The following ABCG1 variants were observed in gnomAD, a reference collection of about 807,000 sequenced individuals.
ABCG1 encodes the protein ATP-binding cassette sub-family G member 1.
A neutral mutation model predicts 69.2 loss-of-function variants in ABCG1; 29 were observed. That is an observed-to-expected ratio of 0.42 (90% CI 0.31 to 0.57). The LOEUF (loss-of-function observed/expected upper bound fraction) is 0.57. Among genes scored for constraint, ABCG1 ranks in the 20% least tolerant of loss-of-function variants. The pLI, the probability that ABCG1 is intolerant of heterozygous loss-of-function variation, is 0.15. For synonymous variants in ABCG1, 370 were observed against 374.8 expected, an observed-to-expected ratio of 0.99 and a Z score of 0.15; for missense variants, 718 against 898.1, an observed-to-expected ratio of 0.80 and a Z score of 2.56.
At chr21:42,200,392 A>G (rs1040948963) in intron 1 of ABCG1, among the ~76,000 whole-genome samples, 3 of 152,134 alleles carry the variant, frequency 2.0e-5, no homozygotes, top group Non-Finnish European at 4.4e-5. Flanking sequence ...AAGAATTCTG[A>G]TCAAGTGTTG....
chr21:42,266,491 A>G (rs2068508022), intron 2 of ABCG1, among the ~76,000 whole-genome samples: 1 of 152,094 alleles, frequency 6.6e-6, no homozygotes, highest in Non-Finnish European at 1.5e-5. Flanking sequence ...GGAACAAACC[A>G]TAAAAGGGGC....
rs756708334 is a variant in ABCG1 at position 42,288,311 on chromosome 21, C to G, written c.1223C>G (p.Ser408Trp). 1.3e-6 allele frequency: 2 copies of G among 1,589,976 alleles called. No individual in the cohort carries two copies. The highest frequency in any genetic ancestry group is 1.7e-6 in the Non-Finnish European group (2 of 1,165,294). ...ACCTTCCTCAGCATCATGAGGGACT[C>G]GGTAAGGCTGCCCGCATCTTCTCCT... ...KRTFLSIMRD[S>W]VLTHLRITSH... is the part of the protein sequence containing the mutation. The change falls in exon 10 of 15, where the codon TCG becomes TGG. Residue 408 changes from serine (S) to tryptophan (W), a missense_variant and splice_region_variant. Ser to Trp is a radical substitution (Grantham distance 177, BLOSUM62 -3). This residue lies in a region of ABCG1 where 514 missense variants were observed against 574.3 expected (regional missense o/e 0.90). Coordinates refer to ENST00000398449, the MANE Select transcript of ABCG1 (RefSeq NM_016818.3). The surrounding 1 kb of genome is among the most constrained non-coding windows in gnomAD (Gnocchi z 4.8).
At position 42,294,525 on chromosome 21, in the gene ABCG1, T is replaced by C. The variant is rs766400172; in HGVS notation, c.1654-17T>C. On this transcript the variant is annotated splice_polypyrimidine_tract_variant and intron_variant, in intron 13 of 14. Transcript: ENST00000398449. ...TGCAGGTTCTGCTACATCTGTCCTG[T>C]GTGCCCCCAACTCCAGGTGGCCACT... 1.2e-6 allele frequency: 2 copies of C among 1,600,334 alleles called. No homozygotes were observed. Among genetic ancestry groups the C allele is most frequent in the Non-Finnish European group, 1.7e-6 (2 of 1,167,440 alleles).
rs568799362 is a variant in ABCG1, at chr21:42,234,738, G to A, written c.286+8824G>A. ...GTGCTGACTCTGCAGGCCTGTGGAC[G>A]CAGGGTGACGTTCGCGCTCTTGCCC... On this transcript the variant is annotated intron_variant, in intron 2 of 14. Transcript: ENST00000398449. Among the ~76,000 whole-genome samples the A allele has an allele frequency of 3.9e-5, 6 of 152,324 alleles. No homozygotes were observed. The East Asian group carries it at 9.7e-4, about 25-fold the overall frequency.
chr21:42,217,103 A>G (rs568972342), upstream of ABCG1, among the ~76,000 whole-genome samples: 1 of 152,166 alleles, frequency 6.6e-6, no homozygotes, highest in East Asian at 1.9e-4. Context: ...ACTGCCTCAC[A>G]CTTCCAGTTC....
At chr21:42,259,080 C>A (rs750713290) in intron 2 of ABCG1, among the ~76,000 whole-genome samples, 6 of 152,174 alleles carry the variant, frequency 3.9e-5, no homozygotes, top group Non-Finnish European at 8.8e-5. Context: ...GTTCTCATAC[C>A]CTGTTTTCCC....
intron 10 of ABCG1, 111 bp from the exon 11 acceptor site, chr21:42,289,939 G>T: frequency 8.3e-7 from 1 of 1,199,800 alleles, no homozygotes; most frequent in Non-Finnish European, 1.2e-6. Context: ...AGTCTAAGAC[G>T]TGCTGTCACA....
chr21:42,293,524 CAT>C (rs2069133021), intron 13 of ABCG1, among the ~76,000 whole-genome samples: 2 of 144,690 alleles, frequency 1.4e-5, no homozygotes, highest in Non-Finnish European at 1.5e-5. Context: ...ACCCACCACA[CAT>C]ACTACACACC....
Position 42,267,387 on chromosome 21 carries a change from C to T in ABCG1, c.287-3683C>T, listed in dbSNP as rs2068524619. ...GGTTTGGGTTCTGTCTGGGTCTGAT[C>T]TGGGTCTGGTCTAGGTTCTTTCTGG... On this transcript the variant is annotated intron_variant, in intron 2 of 14. Coordinates refer to ENST00000398449, the MANE Select transcript of ABCG1 (RefSeq NM_016818.3). 2.0e-5 allele frequency among the ~76,000 whole-genome samples: 3 copies of T among 151,546 alleles called. No homozygotes were observed. The South Asian group carries it at 6.3e-4, about 32-fold the overall frequency.
intron 2 of ABCG1, among the ~76,000 whole-genome samples, chr21:42,232,672 C>G (rs915846): frequency 0.34 from 52,197 of 152,056 alleles, 9,264 homozygotes; most frequent in Middle Eastern, 0.48. Flanking sequence ...TGGGTGCCCC[C>G]CTGCCTTCCT....
intron 1 of ABCG1, among the ~76,000 whole-genome samples, chr21:42,224,848 A>T (rs1243635340): frequency 1.3e-5 from 2 of 152,144 alleles, no homozygotes; most frequent in African/African-American, 4.8e-5. Context: ...CTTGGCAATC[A>T]GTTACAGTTC....
chr21:42,291,248 C>A lies in ABCG1; in HGVS notation c.1494+56C>A. The A allele has an allele frequency of 7.1e-7, 1 of 1,413,626 alleles. No homozygotes were observed. Among genetic ancestry groups the A allele is most frequent in the Non-Finnish European group, 9.9e-7 (1 of 1,007,442 alleles). 87.6% of individuals were successfully genotyped at this position (1,413,626 alleles called of 1,614,324 possible). ...GGGGGCAAGAGTTCTCCTGTACACC[C>A]TTTATATCGAGTAAGAGGACCTGCC... On this transcript the variant is annotated intron_variant, in intron 12 of 14. Coordinates refer to ENST00000398449, the MANE Select transcript of ABCG1 (RefSeq NM_016818.3). The surrounding 1 kb of genome is among the most constrained non-coding windows in gnomAD (Gnocchi z 6.4).
rs1336027152 is a variant in ABCG1, at chr21:42,291,564, C to T, written c.1561C>T (p.Arg521Cys). The T allele has an allele frequency of 1.2e-6, 2 of 1,613,472 alleles. No individual in the cohort carries two copies. Among genetic ancestry groups the T allele is most frequent in the Admixed American group, 1.7e-5 (1 of 60,010 alleles). Reference protein sequence around the residue: ...WMTSQPSDAVRFVLFAALGTM... With the variant: ...WMTSQPSDAVCFVLFAALGTM... ...GACGTCGCAGCCGTCCGACGCCGTG[C>T]GCTTTGTGCTGTTTGCCGCGCTGGG... The change falls in exon 13 of 15, where the codon CGC (arginine) becomes TGC (cysteine). Residue 521 changes from arginine (R) to cysteine (C), a missense_variant. This residue lies in a region of ABCG1 where 204 missense variants were observed against 323.8 expected (regional missense o/e 0.63). Coordinates refer to ENST00000398449, the MANE Select transcript of ABCG1 (RefSeq NM_016818.3). This position sits in a 1 kb window ranked among gnomAD's most constrained non-coding sequence, Gnocchi z 6.4.
chr21:42,219,411 T>C lies in ABCG1; in HGVS notation c.42+107T>C. 1 of 1,443,658 alleles carries C rather than the reference T, an allele frequency of 6.9e-7. No homozygotes were observed. Among genetic ancestry groups the C allele is most frequent in the Non-Finnish European group, 9.2e-7 (1 of 1,086,198 alleles). 89.4% of individuals were successfully genotyped at this position (1,443,658 alleles called of 1,614,324 possible). A position where few individuals can be genotyped will look rare whatever the true frequency, so the allele number is the denominator to read the frequency against. On this transcript the variant is annotated intron_variant, in intron 1 of 14. Transcript: ENST00000398449. This position sits in a 1 kb window ranked among gnomAD's most constrained non-coding sequence, Gnocchi z 5.3. ...ACCTGACACCCCTCCCAGGAGCGCGTCCTCTGGGCGCTGACCCAGGGCACC... is the reference window on the plus strand; with the variant it reads ...ACCTGACACCCCTCCCAGGAGCGCGCCCTCTGGGCGCTGACCCAGGGCACC...
intron 13 of ABCG1, among the ~76,000 whole-genome samples, chr21:42,293,240 A>T (rs1159816840): frequency 1.5e-5 from 2 of 137,640 alleles, no homozygotes; most frequent in African/African-American, 5.9e-5. Context: ...CACACCACAC[A>T]CACACCACAC....
chr21:42,278,577 G>A (rs1259088715), intron 5 of ABCG1, among the ~76,000 whole-genome samples: 3 of 152,296 alleles, frequency 2.0e-5, no homozygotes, highest in African/African-American at 4.8e-5. Context: ...GGGAGGAGGC[G>A]GCATCTGCCA....
intron 2 of ABCG1, among the ~76,000 whole-genome samples, chr21:42,243,592 A>G (rs867611519): frequency 5.3e-4 from 80 of 151,990 alleles, no homozygotes; most frequent in African/African-American, 1.9e-3. Context: ...CATGATCTCC[A>G]TCATCATCTG....
intron 2 of ABCG1, among the ~76,000 whole-genome samples, chr21:42,243,963 C>G (rs565367225): frequency 6.6e-6 from 1 of 151,804 alleles, no homozygotes; most frequent in African/African-American, 2.4e-5. Context: ...GGACTACAGG[C>G]GCCCGCCACC....
In ABCG1 at chr21:42,288,460, C is replaced by T; in HGVS notation, c.1224+148C>T. ...TGGTGACTCATGTCTGTAACCCCAG[C>T]ACTTTGGGAGGCCAAGGCAGGCAGA... On this transcript the variant is annotated intron_variant, in intron 10 of 14. Transcript: ENST00000398449. The surrounding 1 kb of genome is among the most constrained non-coding windows in gnomAD (Gnocchi z 4.8). 3 of 665,370 alleles carry T rather than the reference C, an allele frequency of 4.5e-6. No homozygotes were observed. The highest frequency in any genetic ancestry group is 7.7e-6 in the Non-Finnish European group (3 of 390,758). The allele number at this position is 665,370 out of a possible 1,614,324, so 41.2% of individuals were successfully genotyped here. A position where few individuals can be genotyped will look rare whatever the true frequency, so the allele number is the denominator to read the frequency against.
Sources: gnomAD v4.1 joint callset for allele counts (sites outside exome capture counted in the v4.1 genomes callset) on GRCh38, gnomAD v4.1.1 for gene constraint, gnomAD v4.1.1 regional missense constraint, Gnocchi (gnomAD v3.1) non-coding constraint, MANE v1.5 for transcripts, NCBI Gene and HGNC (gene_info 2026-07-23, HGNC 2026-07-21) for gene names.